The following CELF1 variants were observed in gnomAD, a reference collection of about 807,000 sequenced individuals.
CELF1 encodes CUGBP Elav-like family member 1.
CELF1 carries 10 observed loss-of-function variants against 61.8 expected under a neutral mutation model. That is an observed-to-expected ratio of 0.16 (90% confidence interval 0.10 to 0.27). CELF1 has a LOEUF of 0.27. Among genes scored for constraint, CELF1 ranks in the 10% least tolerant of loss-of-function variants. The probability of loss-of-function intolerance (pLI) is 1.00; values close to 1 mark genes in which losing one functional copy is unlikely to be tolerated. For missense variants in CELF1, 380 were observed against 639.1 expected (o/e 0.59, Z 4.37); for synonymous variants, 236 against 225.1 (o/e 1.05, Z -0.43).
At chr11:47,478,330 C>A (rs910883254) in intron 10 of CELF1, among the ~76,000 whole-genome samples, 1 of 152,174 alleles carries the variant, frequency 6.6e-6, no homozygotes, top group African/African-American at 2.4e-5. Flanking sequence ...TGCCCTACCC[C>A]CAACCGACTC....
chr11:47,498,892 C>T (rs2093545065), intron 3 of CELF1, among the ~76,000 whole-genome samples: 1 of 151,076 alleles, frequency 6.6e-6, no homozygotes, highest in African/African-American at 2.4e-5. Flanking sequence ...TTTGATGTTC[C>T]TAAAATCACG....
chr11:47,540,046 A>G (rs1314109152), intron 1 of CELF1, among the ~76,000 whole-genome samples: 1 of 152,200 alleles, frequency 6.6e-6, no homozygotes, highest in Non-Finnish European at 1.5e-5. Flanking sequence ...CTCTGGTGCA[A>G]TAAGATATTA....
chr11:47,484,356 C>G (rs1444323864), intron 7 of CELF1, 33 bp downstream of exon 7: 1 of 1,585,634 alleles, frequency 6.3e-7, no homozygotes, highest in Non-Finnish European at 8.5e-7. Context: ...AAACAAAAAA[C>G]CAAAAGATTA....
chr11:47,509,321 A>C (rs906185281), intron 1 of CELF1, among the ~76,000 whole-genome samples: 3 of 152,186 alleles, frequency 2.0e-5, no homozygotes, highest in Non-Finnish European at 4.4e-5. Context: ...GTTTCTATTA[A>C]CATTATCTCT....
chr11:47,540,081 T>C (rs954869839), intron 1 of CELF1, among the ~76,000 whole-genome samples: 1 of 152,192 alleles, frequency 6.6e-6, no homozygotes, highest in African/African-American at 2.4e-5. Flanking sequence ...TCACAAGGTA[T>C]AATTAGAGTA....
intron 2 of CELF1, among the ~76,000 whole-genome samples, chr11:47,562,392 G>C (rs2097228886): frequency 6.6e-6 from 1 of 151,666 alleles, no homozygotes; most frequent in South Asian, 2.1e-4. Context: ...CACCAGGTGT[G>C]GTGGTACGCA....
intron 1 of CELF1, among the ~76,000 whole-genome samples, chr11:47,536,159 A>G (rs1020636243): frequency 6.6e-6 from 1 of 152,140 alleles, no homozygotes; most frequent in Non-Finnish European, 1.5e-5. Context: ...ACTTGAGGCC[A>G]AGAGTTTGAG....
intron 3 of CELF1, among the ~76,000 whole-genome samples, chr11:47,496,279 A>C (rs922835225): frequency 2.0e-5 from 3 of 152,228 alleles, no homozygotes; most frequent in African/African-American, 7.2e-5. Context: ...ACCATCCAAC[A>C]ACAGAATAGC....
intron 8 of CELF1, 48 bp from the exon 9 acceptor site, chr11:47,482,904 A>G: frequency 6.4e-7 from 1 of 1,562,156 alleles, no homozygotes; most frequent in Non-Finnish European, 8.7e-7. Flanking sequence ...ATCTGAAAAG[A>G]AGAAAAAAAA....
chr11:47,491,406 T>C (rs1490244003), intron 3 of CELF1, among the ~76,000 whole-genome samples: 1 of 151,920 alleles, frequency 6.6e-6, no homozygotes, highest in Non-Finnish European at 1.5e-5. Context: ...GTGATCCACC[T>C]GCCTTGGCCT....
Position 47,469,014 on chromosome 11 carries a change from G to C in CELF1, c.*3216C>G, listed in dbSNP as rs561614150. On this transcript the variant is annotated 3_prime_UTR_variant, in exon 15 of 15. Transcript: ENST00000687097. ...GTACAGCCCTGAAATGAGGTGGGCG[G>C]GCAGGGGTTGGGTAATGACAGGGAA... 13 of 152,408 alleles carry C rather than the reference G, an allele frequency of 8.5e-5. No individual in the cohort carries two copies. The highest frequency in any genetic ancestry group is 2.9e-4 in the African/African-American group (12 of 41,568). 9.4% of individuals were successfully genotyped at this position (152,408 alleles called of 1,614,324 possible).
At chr11:47,534,208 C>CT (rs2096572394) in intron 1 of CELF1, among the ~76,000 whole-genome samples, 2 of 150,700 alleles carry the variant, frequency 1.3e-5, no homozygotes, top group African/African-American at 4.9e-5. Flanking sequence ...TTTTGTATTT[C>CT]TAGTAGAGAT....
In CELF1 at chr11:47,477,381, C is replaced by T. The variant is rs1475982287; in HGVS notation, c.889G>A (p.Ala297Thr). The T allele has an allele frequency of 3.1e-6, 5 of 1,613,498 alleles. No individual in the cohort carries two copies. Among genetic ancestry groups the T allele is most frequent in the Non-Finnish European group, 4.2e-6 (5 of 1,179,582 alleles). ...GGTGTGTTCTGAGCTGCACTAGCTG[C>T]AGCAGCTAGTGCAGCCAAATTCTGT... ...QLQNLAALAA[A>T]ASAAQNTPSG... The change falls in exon 11 of 15, where the codon GCA becomes ACA. Residue 297 changes from alanine to threonine, a missense_variant. Transcript: ENST00000687097.
chr11:47,558,478 ATATAT>A, intron 2 of CELF1, among the ~76,000 whole-genome samples: 1 of 126,074 alleles, frequency 7.9e-6, no homozygotes, highest in Middle Eastern at 3.8e-3. Context: ...ACCCTCATAT[ATATAT>A]TATATATTTA....
chr11:47,482,175 T>C (rs1485971841), intron 9 of CELF1, among the ~76,000 whole-genome samples: 3 of 151,826 alleles, frequency 2.0e-5, no homozygotes. Flanking sequence ...CACTCTAGCC[T>C]GGGTGACAGA....
intron 1 of CELF1, among the ~76,000 whole-genome samples, chr11:47,526,964 T>C (rs937641285): frequency 4.6e-5 from 7 of 151,078 alleles, no homozygotes; most frequent in Admixed American, 4.0e-4. Flanking sequence ...GGCAGGAGAA[T>C]CACTTGAACC....
At chr11:47,539,192 T>TA (rs1565901571) in intron 1 of CELF1, among the ~76,000 whole-genome samples, 4 of 152,086 alleles carry the variant, frequency 2.6e-5, no homozygotes, top group Admixed American at 2.6e-4. Context: ...CTCATATTCC[T>TA]AAAAAAATTA....
At chr11:47,504,022 A>C (rs2094232585) in intron 1 of CELF1, among the ~76,000 whole-genome samples, 1 of 152,092 alleles carries the variant, frequency 6.6e-6, no homozygotes, top group African/African-American at 2.4e-5. Context: ...AAAAAATACA[A>C]AACATTAGCT....
chr11:47,507,203 T>C (rs2094577155), intron 1 of CELF1, among the ~76,000 whole-genome samples: 1 of 152,248 alleles, frequency 6.6e-6, no homozygotes. Flanking sequence ...TTTATGAGGT[T>C]GAATTTCAGT....
Sources: gnomAD v4.1 joint callset for allele counts (sites outside exome capture counted in the v4.1 genomes callset) on GRCh38, gnomAD v4.1.1 for gene constraint, MANE v1.5 for transcripts, NCBI Gene and HGNC (gene_info 2026-07-23, HGNC 2026-07-21) for gene names.